RGS6: variants seen among roughly 807,000 people sequenced by gnomAD.
The protein encoded by RGS6 is regulator of G-protein signaling 6.
RGS6 carries 30 observed loss-of-function variants against 78.5 expected under a neutral mutation model. The observed-to-expected ratio is 0.38, with a 90% CI of 0.29 to 0.52. The LOEUF (loss-of-function observed/expected upper bound fraction) is 0.52. Among genes scored for constraint, RGS6 ranks in the 20% least tolerant of loss-of-function variants. RGS6 has a pLI of 0.85. For synonymous variants in RGS6, 206 were observed against 206.0 expected, an observed-to-expected ratio of 1.00 and a Z score of 0.00; for missense variants, 495 against 609.7, an observed-to-expected ratio of 0.81 and a Z score of 1.98.
chr14:72,547,397 C>T, intron 17 of RGS6: 1 of 1,352,396 alleles, frequency 7.4e-7, no homozygotes, highest in Non-Finnish European at 9.9e-7. Context: ...CATGGAAGTC[C>T]CCCCAAAATG....
At chr14:72,037,642 C>A (rs1487278029) in intron 2 of RGS6, among the ~76,000 whole-genome samples, 4 of 152,168 alleles carry the variant, frequency 2.6e-5, no homozygotes, top group African/African-American at 9.6e-5. Flanking sequence ...ATTCAGAAGA[C>A]TGTCCTTTCT....
Position 72,104,990 on chromosome 14 carries a change from T to C in RGS6, c.84+140115T>C, listed in dbSNP as rs374766871. 1.1e-4 allele frequency among the ~76,000 whole-genome samples: 17 copies of C among 152,336 alleles called. No homozygotes were observed. The South Asian group carries it at 3.5e-3, about 32-fold the overall frequency. The stretch of plus-strand genomic sequence containing the variant: ...TATTTAAGAATCAGTCGAAAACATG[T>C]TTCTGGATAGGTCCTTGGTCTCTAG... On this transcript the variant is annotated intron_variant, in intron 2 of 17. Coordinates refer to ENST00000553525, the MANE Select transcript of RGS6 (RefSeq NM_001204424.2).
chr14:72,191,273 C>T (rs1042210999), intron 2 of RGS6, among the ~76,000 whole-genome samples: 4 of 152,110 alleles, frequency 2.6e-5, no homozygotes, highest in East Asian at 1.9e-4. Flanking sequence ...GGCAAACTTT[C>T]GTCCACACCT....
chr14:71,876,513 C>CCTTT, the RGS6 span, among the ~76,000 whole-genome samples: 1 of 50,730 alleles, frequency 2.0e-5, no homozygotes, highest in Non-Finnish European at 3.9e-5. Context: ...TTTTTTTTTG[C>CCTTT]TTTCCATTTG....
chr14:72,148,835 C>T (rs1324802096), intron 2 of RGS6, among the ~76,000 whole-genome samples: 1 of 152,216 alleles, frequency 6.6e-6, no homozygotes, highest in Non-Finnish European at 1.5e-5. Flanking sequence ...ATAAAGTAAG[C>T]TGTTGTTACA....
chr14:72,316,036 C>A (rs1343320280), intron 2 of RGS6, among the ~76,000 whole-genome samples: 1 of 152,216 alleles, frequency 6.6e-6, no homozygotes, highest in African/African-American at 2.4e-5. Context: ...GGGAACATTT[C>A]TCTCTCCCCA....
chr14:72,329,197 T>C (rs1342893021), intron 2 of RGS6, among the ~76,000 whole-genome samples: 1 of 152,280 alleles, frequency 6.6e-6, no homozygotes, highest in Non-Finnish European at 1.5e-5. Flanking sequence ...ATTTTAGATG[T>C]TGGGAAGTTT....
rs190704625 is a variant in RGS6, at chr14:72,383,779, G to A, written c.184+31585G>A. On this transcript the variant is annotated intron_variant, in intron 3 of 17. Transcript: ENST00000553525. ...GGGCAGAGTTGTAGGAGCCATCTAC[G>A]GTAAATGCAGGCTTTCAAAGGGTGG... is the stretch of plus-strand genomic sequence containing the variant. Among the ~76,000 whole-genome samples, 103 of 152,096 alleles carry A rather than the reference G, an allele frequency of 6.8e-4. 1 individual carries two copies. The highest frequency in any genetic ancestry group is 2.3e-3 in the African/African-American group (97 of 41,498).
intron 2 of RGS6, among the ~76,000 whole-genome samples, chr14:72,325,040 T>A (rs1425116117): frequency 2.0e-5 from 3 of 152,242 alleles, no homozygotes; most frequent in Non-Finnish European, 4.4e-5. Context: ...TTTTTAATGG[T>A]CGCCATTTTA....
chr14:72,356,301 G>C (rs1187833967), intron 3 of RGS6, among the ~76,000 whole-genome samples: 3 of 152,098 alleles, frequency 2.0e-5, no homozygotes, highest in Non-Finnish European at 2.9e-5. Context: ...TTAAAAGTGT[G>C]GCACTTCCCC....
chr14:71,913,632 G>A, the RGS6 span, among the ~76,000 whole-genome samples: 11 of 152,226 alleles, frequency 7.2e-5, no homozygotes, highest in African/African-American at 2.4e-4. Context: ...TGTTCTGGCC[G>A]ATGAGACTTA....
At chr14:71,943,282 A>G (rs72734102) in intron 1 of RGS6, among the ~76,000 whole-genome samples, 20,561 of 152,128 alleles carry the variant, frequency 0.14, 1,712 homozygotes, top group East Asian at 0.2. Flanking sequence ...TAATTTAAAA[A>G]ATACCCTTTG....
At chr14:72,203,494 C>T (rs1308372016) in intron 2 of RGS6, among the ~76,000 whole-genome samples, 1 of 152,226 alleles carries the variant, frequency 6.6e-6, no homozygotes, top group African/African-American at 2.4e-5. Context: ...CATCTCAAAG[C>T]TTGGCCAGGT....
At position 71,994,594 on chromosome 14, in the gene RGS6, T is replaced by A. The variant is rs79981745; in HGVS notation, c.84+29719T>A. On this transcript the variant is annotated intron_variant, in intron 2 of 17. Coordinates refer to ENST00000553525, the MANE Select transcript of RGS6 (RefSeq NM_001204424.2). ...ATGTCTTTGAACGTACTTTGAAATA[T>A]GATTGTTGCAGATGTAATTAGTAAA... 2.8e-3 allele frequency among the ~76,000 whole-genome samples: 422 copies of A among 152,004 alleles called. 2 individuals are homozygous for A. The highest frequency in any genetic ancestry group is 0.027 in the Middle Eastern group (8 of 294).
At chr14:72,166,093 GACACACACACACACACACACACACACAC>G (rs3055029) in intron 2 of RGS6, among the ~76,000 whole-genome samples, 1 of 107,694 alleles carries the variant, frequency 9.3e-6, no homozygotes, top group African/African-American at 3.2e-5. Context: ...CCATTTTTGA[GACACACACACACACACACACACACACAC>G]ACACACACAC....
intron 2 of RGS6, among the ~76,000 whole-genome samples, chr14:72,197,202 A>G (rs894666821): frequency 3.3e-5 from 5 of 152,054 alleles, no homozygotes; most frequent in African/African-American, 1.2e-4. Flanking sequence ...AGTAGCTGGG[A>G]TTACAGGTGC....
intron 3 of RGS6, among the ~76,000 whole-genome samples, chr14:72,424,518 A>G (rs1160747508): frequency 6.6e-6 from 1 of 152,100 alleles, no homozygotes; most frequent in East Asian, 1.9e-4. Context: ...AAGGAGGTAT[A>G]ATTCTTCCCT....
chr14:72,171,126 G>GCATGCACACACATA (rs374901781), intron 2 of RGS6, among the ~76,000 whole-genome samples: 5 of 151,908 alleles, frequency 3.3e-5, no homozygotes, highest in East Asian at 1.9e-4. Flanking sequence ...ACATATCCAT[G>GCATGCACACACATA]CATGCACACA....
At chr14:72,018,042 GT>G (rs758154088) in intron 2 of RGS6, among the ~76,000 whole-genome samples, 77 of 152,092 alleles carry the variant, frequency 5.1e-4, no homozygotes, top group Admixed American at 3.3e-4. Flanking sequence ...TTCTTTTCTT[GT>G]GTTAGTCTGC....
Sources: gnomAD v4.1 joint callset for allele counts (sites outside exome capture counted in the v4.1 genomes callset) on GRCh38, gnomAD v4.1.1 for gene constraint, MANE v1.5 for transcripts, NCBI Gene and HGNC (gene_info 2026-07-23, HGNC 2026-07-21) for gene names.